GYS2: variants seen among roughly 807,000 people sequenced by gnomAD.
GYS2 encodes glycogen synthase 2.
GYS2 carries 80 observed loss-of-function variants against 85.6 expected under a neutral mutation model. That is an observed-to-expected ratio of 0.93 (90% confidence interval 0.78 to 1.13). The LOEUF (loss-of-function observed/expected upper bound fraction) is 1.13, where lower values mean the gene tolerates loss of function less well. Ranked by LOEUF, GYS2 falls within the 50% of genes most tolerant of loss-of-function variation. The pLI is 0.00. For synonymous variants in GYS2, 328 were observed against 300.7 expected (o/e 1.09, Z -0.94); for missense variants, 881 against 854.9 (o/e 1.03, Z -0.38).
intron 11 of GYS2, among the ~76,000 whole-genome samples, chr12:21,546,850 C>G (rs762099544): frequency 6.6e-6 from 1 of 152,128 alleles, no homozygotes; most frequent in Admixed American, 6.6e-5. Context: ...CCAACTTGAG[C>G]AGGGAAGAGG....
Position 21,580,479 on chromosome 12 carries a change from C to T in GYS2, c.166G>A (p.Ala56Thr). The T allele has an allele frequency of 6.2e-7, 1 of 1,613,564 alleles. No individual in the cohort carries two copies. The highest frequency in any genetic ancestry group is 1.3e-5 in the African/African-American group (1 of 75,032). Residue 56 changes from alanine to threonine, a missense_variant, in exon 2 of 16, where the codon GCA becomes ACA. Transcript: ENST00000261195. ...TVIQTKAKTT[A>T]DEWGENYFLI... Reference sequence around the variant, plus strand: ...AAATAGTTCTCTCCCCATTCATCTGCTGTTGTTTTGGCCTTTGTCTGAATC... The same window carrying T: ...AAATAGTTCTCTCCCCATTCATCTGTTGTTGTTTTGGCCTTTGTCTGAATC...
intron 5 of GYS2, among the ~76,000 whole-genome samples, chr12:21,563,927 T>C (rs935525227): frequency 2.6e-5 from 4 of 152,220 alleles, no homozygotes; most frequent in African/African-American, 9.6e-5. Context: ...ATTTGGAAAA[T>C]TGGAAAAGGA....
chr12:21,571,918 C>T (rs992499479), intron 4 of GYS2, among the ~76,000 whole-genome samples: 2 of 145,408 alleles, frequency 1.4e-5, no homozygotes, highest in Admixed American at 1.4e-4. Context: ...GCCGAGATCA[C>T]GCTACGGCAC....
At chr12:21,590,297 G>C (rs1010204347) in intron 1 of GYS2, among the ~76,000 whole-genome samples, 5 of 152,162 alleles carry the variant, frequency 3.3e-5, no homozygotes, top group Non-Finnish European at 7.4e-5. Flanking sequence ...CTGAGGTCAG[G>C]AACACCCAGC....
intron 1 of GYS2, among the ~76,000 whole-genome samples, chr12:21,594,372 A>G (rs1490219044): frequency 1.3e-5 from 2 of 152,106 alleles, no homozygotes; most frequent in East Asian, 3.8e-4. Context: ...CCACCAAAGC[A>G]CTCTTAGCGC....
chr12:21,560,898 T>C (rs1487876651), intron 7 of GYS2, among the ~76,000 whole-genome samples: 1 of 152,184 alleles, frequency 6.6e-6, no homozygotes, highest in African/African-American at 2.4e-5. Context: ...TTCTTTAAAA[T>C]TTCAGATTGG....
intron 7 of GYS2, among the ~76,000 whole-genome samples, chr12:21,562,616 G>A (rs1301232482): frequency 8.0e-6 from 1 of 125,030 alleles, no homozygotes; most frequent in Non-Finnish European, 1.7e-5. Flanking sequence ...GAAAAGGGAT[G>A]TTATAATGAC....
chr12:21,558,710 ATTTGT>A (rs1944213902), intron 10 of GYS2, among the ~76,000 whole-genome samples: 1 of 152,112 alleles, frequency 6.6e-6, no homozygotes, highest in Non-Finnish European at 1.5e-5. Context: ...AGCCTGACAC[ATTTGT>A]TTTATCTCCT....
At chr12:21,599,453 T>G (rs554763224) in intron 1 of GYS2, among the ~76,000 whole-genome samples, 13 of 152,334 alleles carry the variant, frequency 8.5e-5, no homozygotes, top group Non-Finnish European at 1.8e-4. Flanking sequence ...ACTCACACTT[T>G]GAACAAGACC....
Position 21,537,184 on chromosome 12 carries a change from G to A in GYS2, c.1891-9C>T. The A allele has an allele frequency of 6.3e-7, 1 of 1,598,750 alleles. No homozygotes were observed. Among genetic ancestry groups the A allele is most frequent in the South Asian group, 1.1e-5 (1 of 90,700 alleles). On this transcript the variant is annotated splice_polypyrimidine_tract_variant and intron_variant, in intron 15 of 15. Transcript: ENST00000261195. Reference sequence around the variant, plus strand: ...TATTTAAATCCTTCTGTCTGCCAAAGACAAAAATAAGACATAAACATCACA... The same window carrying A: ...TATTTAAATCCTTCTGTCTGCCAAAAACAAAAATAAGACATAAACATCACA...
chr12:21,584,571 C>G (rs1013672318), intron 1 of GYS2, among the ~76,000 whole-genome samples: 8 of 152,194 alleles, frequency 5.3e-5, no homozygotes. Context: ...CTCACCAAAG[C>G]TGACCTGGCC....
intron 7 of GYS2, among the ~76,000 whole-genome samples, chr12:21,562,113 G>T (rs1466726317): frequency 4.6e-5 from 7 of 152,208 alleles, no homozygotes; most frequent in African/African-American, 1.7e-4. Flanking sequence ...TATGCATATT[G>T]TGTTGCTCGG....
chr12:21,574,146 T>C lies in GYS2; in HGVS notation c.676A>G (p.Lys226Glu), dbSNP rs1196682962. The stretch of plus-strand genomic sequence containing the variant: ...GGGAGGGAGGAAGGAATATTTACCT[T>C]ATCAAGATGGTTGTAGAAATCAATA... The part of the protein sequence containing the change: ...ANIDFYNHLD[K>E]FNIDKEAGER... The change falls in exon 4 of 16, where the codon AAG (lysine) becomes GAG (glutamate). Residue 226 changes from lysine to glutamate, a missense_variant and splice_region_variant. Transcript: ENST00000261195. 1 of 1,606,950 alleles carries C rather than the reference T, an allele frequency of 6.2e-7. No individual in the cohort carries two copies. Among genetic ancestry groups the C allele is most frequent in the South Asian group, 1.1e-5 (1 of 90,926 alleles).
intron 12 of GYS2, 99 bp from the exon 13 acceptor site, chr12:21,542,690 A>C: frequency 1.3e-6 from 1 of 750,410 alleles, no homozygotes; most frequent in Non-Finnish European, 2.4e-6. Context: ...TAAGAATAGC[A>C]ATGTTCACTA....
At chr12:21,591,956 C>T (rs928385085) in intron 1 of GYS2, among the ~76,000 whole-genome samples, 1 of 152,060 alleles carries the variant, frequency 6.6e-6, no homozygotes, top group Admixed American at 6.5e-5. Flanking sequence ...AAGGAATTCA[C>T]TATCACTAGA....
At chr12:21,546,188 A>T (rs902934010) in intron 12 of GYS2, among the ~76,000 whole-genome samples, 156 bp downstream of exon 12, 1 of 152,192 alleles carries the variant, frequency 6.6e-6, no homozygotes, top group Non-Finnish European at 1.5e-5. Flanking sequence ...CAAATCATAA[A>T]TTAATCCCTG....
chr12:21,593,637 A>G (rs1391289446), intron 1 of GYS2, among the ~76,000 whole-genome samples: 1 of 152,028 alleles, frequency 6.6e-6, no homozygotes, highest in African/African-American at 2.4e-5. Flanking sequence ...AGTCTCCCAA[A>G]AAAGAAAATT....
intron 11 of GYS2, among the ~76,000 whole-genome samples, chr12:21,548,950 A>G (rs1019381944): frequency 8.5e-5 from 13 of 152,232 alleles, no homozygotes; most frequent in African/African-American, 2.9e-4. Flanking sequence ...GAGAGTTTTC[A>G]TAGAATGAAA....
intron 2 of GYS2, 89 bp downstream of exon 2, chr12:21,580,253 A>G: frequency 8.5e-7 from 1 of 1,170,446 alleles, no homozygotes; most frequent in Non-Finnish European, 1.3e-6. Context: ...AAGTAAGTGA[A>G]TGGTCTTCTC....
Sources: gnomAD v4.1 joint callset for allele counts (sites outside exome capture counted in the v4.1 genomes callset) on GRCh38, gnomAD v4.1.1 for gene constraint, MANE v1.5 for transcripts, NCBI Gene and HGNC (gene_info 2026-07-23, HGNC 2026-07-21) for gene names.